Variants in IL1RN observed in about 807,000 individuals in gnomAD.
IL1RN encodes interleukin-1 receptor antagonist protein.
A neutral mutation model predicts 13.7 loss-of-function variants in IL1RN; 10 were observed. The ratio of observed to expected loss-of-function variants is 0.73; its 90% confidence interval spans 0.45 to 1.24. The LOEUF (loss-of-function observed/expected upper bound fraction) is 1.24, where lower values mean the gene tolerates loss of function less well. Among genes scored for constraint, IL1RN ranks in the 50% most tolerant of loss-of-function variants. The probability of loss-of-function intolerance (pLI) is 0.00; values close to 1 mark genes in which losing one functional copy is unlikely to be tolerated. For missense variants in IL1RN, 213 were observed against 222.1 expected (o/e 0.96, Z 0.26); for synonymous variants, 102 against 82.7 (o/e 1.23, Z -1.27).
At chr2:113,109,930 AG>A (rs1282549236), upstream of IL1RN, among the ~76,000 whole-genome samples, 1 of 152,096 alleles carries the variant, frequency 6.6e-6, no homozygotes, top group Non-Finnish European at 1.5e-5. Context: ...ATAGAGAAAA[AG>A]ATTTGGGCCA....
At chr2:113,117,873 CTG>C (rs1686631760), upstream of IL1RN, 4 of 765,600 alleles carry the variant, frequency 5.2e-6, no homozygotes, top group South Asian at 5.5e-5. Context: ...CTTGTACTCT[CTG>C]AGGTGCTCTG....
At chr2:113,109,236 A>T (rs1165195967), upstream of IL1RN, among the ~76,000 whole-genome samples, 1 of 152,108 alleles carries the variant, frequency 6.6e-6, no homozygotes, top group East Asian at 1.9e-4. Context: ...AACATGGGGA[A>T]ACCCCATCTC....
chr2:113,132,168 G>A (rs557479794), intron 3 of IL1RN, among the ~76,000 whole-genome samples: 1 of 152,242 alleles, frequency 6.6e-6, no homozygotes, highest in Admixed American at 6.5e-5. Context: ...CCTGGGCCAG[G>A]CCAGGCGCAG....
chr2:113,126,102 C>T (rs1686948208), upstream of IL1RN, among the ~76,000 whole-genome samples: 2 of 152,154 alleles, frequency 1.3e-5, no homozygotes, highest in African/African-American at 4.8e-5. Flanking sequence ...CCAGCCCAGC[C>T]ATCATTTTTG....
upstream of IL1RN, among the ~76,000 whole-genome samples, chr2:113,102,278 G>A (rs1573267336): frequency 6.6e-6 from 1 of 152,204 alleles, no homozygotes; most frequent in East Asian, 1.9e-4. Context: ...CGGGGACAGT[G>A]AGAGCTCTCT....
At chr2:113,103,577 C>T (rs539318533), upstream of IL1RN, among the ~76,000 whole-genome samples, 13 of 152,334 alleles carry the variant, frequency 8.5e-5, no homozygotes, top group Admixed American at 1.3e-4. Flanking sequence ...CACAGCAGTG[C>T]TGACACCTTG....
intron 1 of IL1RN, among the ~76,000 whole-genome samples, chr2:113,112,641 C>CCAA: frequency 6.6e-6 from 1 of 152,322 alleles, no homozygotes. Context: ...GGCTTCTCAC[C>CCAA]GTTCCTCTTC....
intron 1 of IL1RN, chr2:113,120,019 C>T (rs1431665853): frequency 1.4e-6 from 2 of 1,454,446 alleles, no homozygotes; most frequent in Non-Finnish European, 9.6e-7. Flanking sequence ...TTTCTCTGGA[C>T]CTCTGCTTTC....
intron 1 of IL1RN, among the ~76,000 whole-genome samples, chr2:113,128,630 A>G (rs1190819384): frequency 6.6e-6 from 1 of 152,152 alleles, no homozygotes; most frequent in African/African-American, 2.4e-5. Flanking sequence ...CTGAGGCTAA[A>G]TCTAGAAACT....
At chr2:113,119,256 T>C (rs1317096524) in intron 1 of IL1RN, among the ~76,000 whole-genome samples, 1 of 152,184 alleles carries the variant, frequency 6.6e-6, no homozygotes, top group African/African-American at 2.4e-5. Flanking sequence ...TGCTGAGCAC[T>C]TTACATGGTT....
chr2:113,118,128 G>A (rs915210941), intron 1 of IL1RN: 81 of 1,594,526 alleles, frequency 5.1e-5, no homozygotes, highest in Non-Finnish European at 5.9e-5. Context: ...GTGAGCAAGC[G>A]TCCAGGAAAA....
At chr2:113,116,769 G>A (rs1686603313), upstream of IL1RN, among the ~76,000 whole-genome samples, 1 of 152,220 alleles carries the variant, frequency 6.6e-6, no homozygotes, top group Non-Finnish European at 1.5e-5. Flanking sequence ...TTTCATATGT[G>A]TATGAAGGCA....
upstream of IL1RN, among the ~76,000 whole-genome samples, chr2:113,123,802 C>CAA (rs566568669): frequency 8.5e-4 from 129 of 152,282 alleles, no homozygotes; most frequent in South Asian, 2.9e-3. Flanking sequence ...AGAATATACT[C>CAA]AGATTTAAAA....
At chr2:113,121,075 C>CTCT (rs144446043) in intron 2 of IL1RN, among the ~76,000 whole-genome samples, 1 of 34,014 alleles carries the variant, frequency 2.9e-5, no homozygotes, top group Non-Finnish European at 8.5e-5. Context: ...CCTCCTCCTC[C>CTCT]TCTTCTTCTT....
upstream of IL1RN, chr2:113,107,478 C>T (rs1686404663): frequency 6.6e-6 from 1 of 151,848 alleles, no homozygotes; most frequent in Non-Finnish European, 1.5e-5. Flanking sequence ...AATCCTAGCA[C>T]TTTGGGAAGC....
chr2:113,105,344 A>G (rs761998307), upstream of IL1RN, among the ~76,000 whole-genome samples: 5 of 152,218 alleles, frequency 3.3e-5, no homozygotes, highest in Non-Finnish European at 7.4e-5. Flanking sequence ...GTGATTATAT[A>G]TCATCTCTCA....
At chr2:113,128,597 C>A (rs1160539475) in intron 1 of IL1RN, among the ~76,000 whole-genome samples, 1 of 152,164 alleles carries the variant, frequency 6.6e-6, no homozygotes, top group Non-Finnish European at 1.5e-5. Context: ...GAGGCCCCAG[C>A]AGGTGATGTT....
In IL1RN at chr2:113,132,669, C is replaced by G; in HGVS notation, c.332C>G (p.Thr111Ser). 6.2e-7 allele frequency: 1 copy of G among 1,614,160 alleles called. No homozygotes were observed. The stretch of plus-strand genomic sequence containing the variant: ...TTTGATTTCCAGGCAGTTAACATCA[C>G]TGACCTGAGCGAGAACAGAAAGCAG... ...TRLQLEAVNI[T>S]DLSENRKQDK... is the part of the protein sequence containing the mutation. Residue 111 changes from threonine (T) to serine (S), a missense_variant, in exon 4 of 4, where the codon ACT (threonine) becomes AGT (serine). By Grantham distance (58) the Thr-to-Ser change is moderately conservative (BLOSUM62 1). Transcript: ENST00000409930.
At chr2:113,129,329 G>A (rs1687076497) in intron 1 of IL1RN, among the ~76,000 whole-genome samples, 1 of 152,170 alleles carries the variant, frequency 6.6e-6, no homozygotes, top group African/African-American at 2.4e-5. Context: ...AATCTCAGAT[G>A]GGAAGCAAGT....
Sources: allele counts gnomAD v4.1 joint callset (sites outside exome capture counted in the v4.1 genomes callset), GRCh38; gene constraint gnomAD v4.1.1; transcripts MANE v1.5; gene names NCBI Gene and HGNC (gene_info 2026-07-23, HGNC 2026-07-21).